WWOX: variants seen among roughly 807,000 people sequenced by gnomAD.
The protein encoded by WWOX is WW domain-containing oxidoreductase.
WWOX carries 69 observed loss-of-function variants against 46.2 expected under a neutral mutation model. That is an observed-to-expected ratio of 1.49 (90% confidence interval 1.23 to 1.82). The LOEUF is 1.82. WWOX is among the 40% of genes most tolerant of loss of function. The pLI, the probability that WWOX is intolerant of heterozygous loss-of-function variation, is 0.00. For missense variants in WWOX, 919 were observed against 542.6 expected, an observed-to-expected ratio of 1.69 and a Z score of -6.89; for synonymous variants, 359 against 202.6, an observed-to-expected ratio of 1.77 and a Z score of -6.56.
intron 6 of WWOX, among the ~76,000 whole-genome samples, chr16:78,413,542 G>A (rs761679500): frequency 5.9e-5 from 9 of 152,134 alleles, no homozygotes; most frequent in Non-Finnish European, 1.0e-4. Context: ...AAAGTACGTT[G>A]ATCAGTTAGG....
chr16:78,684,889 A>G (rs1365661757), intron 8 of WWOX, among the ~76,000 whole-genome samples: 1 of 152,200 alleles, frequency 6.6e-6, no homozygotes, highest in Non-Finnish European at 1.5e-5. Context: ...TAGTCAGAGC[A>G]TAGGAACACT....
intron 6 of WWOX, among the ~76,000 whole-genome samples, chr16:78,403,238 C>A (rs1027938244): frequency 2.6e-5 from 4 of 152,154 alleles, no homozygotes; most frequent in African/African-American, 7.2e-5. Flanking sequence ...GTTGTAAATT[C>A]ACCTCTGCCA....
chr16:78,443,917 C>T (rs1014895944), intron 8 of WWOX, among the ~76,000 whole-genome samples: 2 of 152,124 alleles, frequency 1.3e-5, no homozygotes, highest in East Asian at 1.9e-4. Flanking sequence ...TGGAGGCCAG[C>T]GTGATTAAAC....
chr16:78,719,088 C>G (rs777707522), intron 8 of WWOX, among the ~76,000 whole-genome samples: 1 of 152,108 alleles, frequency 6.6e-6, no homozygotes, highest in Non-Finnish European at 1.5e-5. Context: ...GACTATGAGC[C>G]CCTCATGACG....
In WWOX at chr16:78,417,040, G is replaced by GGGGTGTGTGTGTGTGTGTGT. The variant is rs58277331; in HGVS notation, c.606-7829_606-7828insGGTGTGTGTGTGTGTGTGTG. Among the ~76,000 whole-genome samples the GGGGTGTGTGTGTGTGTGTGT allele has an allele frequency of 5.1e-3, 776 of 151,382 alleles. 6 individuals carry two copies. The highest frequency in any genetic ancestry group is 0.018 in the African/African-American group (740 of 40,958). On this transcript the variant is annotated intron_variant, in intron 6 of 8. Transcript: ENST00000566780. Reference sequence around the variant, plus strand: ...CCTTGAAGTCAGGTGACCCTTTGGGGGTGTGTGTGTGTTTGCTTCTTTATA... The same window carrying GGGGTGTGTGTGTGTGTGTGT: ...CCTTGAAGTCAGGTGACCCTTTGGGGGGGTGTGTGTGTGTGTGTGTGTGTGTGTGTGTTTGCTTCTTTATA...
At chr16:78,976,488 G>C (rs891005218) in intron 8 of WWOX, among the ~76,000 whole-genome samples, 2 of 152,220 alleles carry the variant, frequency 1.3e-5, no homozygotes, top group Non-Finnish European at 2.9e-5. Flanking sequence ...GACTGAGCAA[G>C]TAATTTCTGC....
At chr16:78,894,640 A>T (rs2044661964) in intron 8 of WWOX, among the ~76,000 whole-genome samples, 1 of 152,106 alleles carries the variant, frequency 6.6e-6, no homozygotes, top group Non-Finnish European at 1.5e-5. Flanking sequence ...GGTGGTACTT[A>T]TACCTACCCA....
At chr16:78,652,638 A>C (rs1472440964) in intron 8 of WWOX, among the ~76,000 whole-genome samples, 1 of 152,114 alleles carries the variant, frequency 6.6e-6, no homozygotes, top group Non-Finnish European at 1.5e-5. Context: ...CACACAGCCA[A>C]GATTCCTCGA....
chr16:78,904,342 A>C (rs1473493438), intron 8 of WWOX, among the ~76,000 whole-genome samples: 1 of 150,200 alleles, frequency 6.7e-6, no homozygotes, highest in African/African-American at 2.5e-5. Flanking sequence ...GGGTTCAAGC[A>C]ATTCTCCTGC....
chr16:78,190,326 G>C (rs997981515), intron 5 of WWOX, among the ~76,000 whole-genome samples: 3 of 152,180 alleles, frequency 2.0e-5, no homozygotes, highest in Admixed American at 6.5e-5. Flanking sequence ...TCTGAGATGA[G>C]AGAGAGAGCA....
chr16:78,906,026 GATGGATGA>G (rs2044954353), intron 8 of WWOX, among the ~76,000 whole-genome samples: 1 of 149,742 alleles, frequency 6.7e-6, no homozygotes, highest in South Asian at 2.1e-4. Flanking sequence ...TGAATGCAAT[GATGGATGA>G]ATGAATGAAT....
chr16:79,045,130 T>G (rs982751311), intron 8 of WWOX, among the ~76,000 whole-genome samples: 3 of 152,234 alleles, frequency 2.0e-5, no homozygotes, highest in Non-Finnish European at 4.4e-5. Context: ...CATTTATTCT[T>G]TCGTAAATTC....
chr16:78,229,779 C>T (rs575066541), intron 5 of WWOX, among the ~76,000 whole-genome samples: 2 of 152,106 alleles, frequency 1.3e-5, no homozygotes, highest in African/African-American at 4.8e-5. Flanking sequence ...TGATGAGTAC[C>T]TCCTTTTCTT....
intron 5 of WWOX, among the ~76,000 whole-genome samples, chr16:78,379,554 C>A (rs2081907960): frequency 6.6e-6 from 1 of 152,148 alleles, no homozygotes; most frequent in African/African-American, 2.4e-5. Context: ...GCTAGATTTG[C>A]CAAAAGTCTG....
At chr16:78,167,296 C>G (rs910991355) in intron 5 of WWOX, 2 of 152,172 alleles carry the variant, frequency 1.3e-5, no homozygotes, top group African/African-American at 4.8e-5. Context: ...GTTTCCTCAT[C>G]TTTAAGGAAA....
intron 8 of WWOX, among the ~76,000 whole-genome samples, chr16:78,918,542 A>G (rs9923451): frequency 0.92 from 139,716 of 152,012 alleles, 65,064 homozygotes; most frequent in Non-Finnish European, 0.99. Flanking sequence ...CTGGCTGTTA[A>G]GAAAACTTTT....
intron 8 of WWOX, among the ~76,000 whole-genome samples, chr16:79,114,739 C>G (rs956743344): frequency 6.6e-6 from 1 of 152,160 alleles, no homozygotes; most frequent in African/African-American, 2.4e-5. Flanking sequence ...TGTCAACAAA[C>G]CAAGGGGAGC....
chr16:78,619,222 T>G (rs2046115750), intron 8 of WWOX, among the ~76,000 whole-genome samples: 4 of 91,674 alleles, frequency 4.4e-5, no homozygotes, highest in Admixed American at 1.3e-4. Flanking sequence ...TATGTAGCCA[T>G]GCATGGGGGC....
At chr16:79,210,255 C>G (rs549779614) in intron 8 of WWOX, among the ~76,000 whole-genome samples, 1 of 152,224 alleles carries the variant, frequency 6.6e-6, no homozygotes, top group Admixed American at 6.5e-5. Context: ...ATGACAACAA[C>G]AAACCCAAGT....
Sources: allele counts gnomAD v4.1 joint callset (sites outside exome capture counted in the v4.1 genomes callset), GRCh38; gene constraint gnomAD v4.1.1; transcripts MANE v1.5; gene names NCBI Gene and HGNC (gene_info 2026-07-23, HGNC 2026-07-21).